B3GAT2: variants seen among roughly 807,000 people sequenced by gnomAD.
B3GAT2 encodes galactosylgalactosylxylosylprotein 3-beta-glucuronosyltransferase 2.
In B3GAT2, 26 loss-of-function variants were observed where a neutral mutation model predicts 27.8. The ratio of observed to expected loss-of-function variants is 0.93; its 90% CI spans 0.68 to 1.30. B3GAT2 has a LOEUF of 1.30. B3GAT2 is among the 50% of genes most tolerant of loss of function. The pLI, the probability that B3GAT2 is intolerant of heterozygous loss-of-function variation, is 0.00. For synonymous variants in B3GAT2, 218 were observed against 195.1 expected (o/e 1.12, Z -0.98); for missense variants, 458 against 459.0 (o/e 1.00, Z 0.02).
Position 70,858,314 on chromosome 6 carries a change from T to TTAAG in B3GAT2, c.*3345_*3348dup. 1 of 939,564 alleles carries TTAAG rather than the reference T, an allele frequency of 1.1e-6. No homozygotes were observed. The highest frequency in any genetic ancestry group is 1.7e-5 in the African/African-American group (1 of 57,528). The allele number at this position is 939,564 out of a possible 1,614,324, so 58.2% of individuals were successfully genotyped here. On this transcript the variant is annotated 3_prime_UTR_variant, in exon 4 of 4. Transcript: ENST00000230053. Reference sequence around the variant, plus strand: ...TTTTTTTTTTTTTTTTTTTTTTTTTTTAAGTCTAGTGATCTGGCAGAAAGA... The same window carrying TTAAG: ...TTTTTTTTTTTTTTTTTTTTTTTTTTTAAGTAAGTCTAGTGATCTGGCAGAAAGA...
chr6:70,955,836 T>C lies in B3GAT2; in HGVS notation c.591+3A>G. The stretch of plus-strand genomic sequence containing the variant: ...CCACCCAGCGGGGCAGGCTGGCCTT[T>C]ACCTCCTGGAAGAGCTCCAGACTAT... On this transcript the variant is annotated splice_donor_region_variant and intron_variant, in intron 1 of 3. Transcript: ENST00000230053. The C allele has an allele frequency of 1.9e-6, 3 of 1,590,366 alleles. No homozygotes were observed. Among genetic ancestry groups the C allele is most frequent in the Middle Eastern group, 1.7e-4 (1 of 6,008 alleles).
intron 1 of B3GAT2, among the ~76,000 whole-genome samples, chr6:70,945,806 T>G (rs931786151): frequency 1.6e-4 from 24 of 150,578 alleles, no homozygotes; most frequent in African/African-American, 5.6e-4. Flanking sequence ...GAAAAAATGG[T>G]AAGGGCAGCC....
At chr6:70,901,173 T>C (rs1194793715) in intron 1 of B3GAT2, among the ~76,000 whole-genome samples, 2 of 152,182 alleles carry the variant, frequency 1.3e-5, no homozygotes, top group Admixed American at 6.5e-5. Flanking sequence ...AAAATGAACA[T>C]AAAGTCTGCT....
intron 1 of B3GAT2, among the ~76,000 whole-genome samples, chr6:70,901,263 T>C (rs766374942): frequency 2.6e-5 from 4 of 152,198 alleles, no homozygotes; most frequent in Non-Finnish European, 5.9e-5. Flanking sequence ...ACATCGATAG[T>C]CATAAATCGT....
chr6:70,956,915 C>A lies in B3GAT2; in HGVS notation c.-486G>T. ...CGAGGGCGGGCGGCGGCGCTGGGGG[C>A]TTTCCTTCCTCACATTCCCGCCGGG... On this transcript the variant is annotated 5_prime_UTR_variant, in exon 1 of 4. Transcript: ENST00000230053. 1 of 1,018,374 alleles carries A rather than the reference C, an allele frequency of 9.8e-7. No homozygotes were observed. Among genetic ancestry groups the A allele is most frequent in the Non-Finnish European group, 1.2e-6 (1 of 851,828 alleles). The allele number at this position is 1,018,374 out of a possible 1,614,324, so 63.1% of individuals were successfully genotyped here.
At chr6:70,927,109 TAC>T (rs1416119481) in intron 1 of B3GAT2, among the ~76,000 whole-genome samples, 1 of 152,270 alleles carries the variant, frequency 6.6e-6, no homozygotes, top group Admixed American at 6.5e-5. Flanking sequence ...TAAAATCCTT[TAC>T]AGACAAGCAA....
Position 70,860,809 on chromosome 6 carries a change from G to A in B3GAT2, c.*854C>T, listed in dbSNP as rs998669755. 17 of 397,704 alleles carry A rather than the reference G, an allele frequency of 4.3e-5. No homozygotes were observed. Among genetic ancestry groups the A allele is most frequent in the Non-Finnish European group, 6.7e-5 (15 of 225,332 alleles). The allele number at this position is 397,704 out of a possible 1,614,324, so 24.6% of individuals were successfully genotyped here. On this transcript the variant is annotated 3_prime_UTR_variant, in exon 4 of 4. Transcript: ENST00000230053. ...GCACTGTTTTCTAGTGTATCAAAAT[G>A]CTCTTATTTCATCATTCACTTCACT...
At chr6:70,901,280 A>G (rs1772494375) in intron 1 of B3GAT2, among the ~76,000 whole-genome samples, 1 of 152,186 alleles carries the variant, frequency 6.6e-6, no homozygotes, top group South Asian at 2.1e-4. Flanking sequence ...TCGTGTTGAT[A>G]GTATGTACCC....
chr6:70,955,821 G>A lies in B3GAT2; in HGVS notation c.591+18C>T. The stretch of plus-strand genomic sequence containing the variant: ...CACTCCCGCCCTCGCCCACCCAGCG[G>A]GGCAGGCTGGCCTTTACCTCCTGGA... On this transcript the variant is annotated intron_variant, in intron 1 of 3. Transcript: ENST00000230053. 6.3e-7 allele frequency: 1 copy of A among 1,575,588 alleles called. No individual in the cohort carries two copies. Among genetic ancestry groups the A allele is most frequent in the Non-Finnish European group, 8.6e-7 (1 of 1,162,534 alleles).
chr6:70,940,699 G>A (rs2347630), intron 1 of B3GAT2, among the ~76,000 whole-genome samples: 35,359 of 151,962 alleles, frequency 0.23, 4,414 homozygotes, highest in Middle Eastern at 0.29. Flanking sequence ...AAACCGAGGT[G>A]GGTGCATCAC....
intron 1 of B3GAT2, among the ~76,000 whole-genome samples, chr6:70,954,841 T>C (rs1279711122): frequency 3.0e-5 from 4 of 134,278 alleles, no homozygotes; most frequent in African/African-American, 7.8e-5. Context: ...ATTTGCAGGC[T>C]ACACACACAC....
At position 70,956,071 on chromosome 6, in the gene B3GAT2, G is replaced by A. The variant is rs1458696838; in HGVS notation, c.359C>T (p.Ala120Val). The change falls in exon 1 of 4, where the codon GCG (alanine) becomes GTG (valine). Residue 120 changes from alanine (A) to valine (V), a missense_variant. Transcript: ENST00000230053. Reference sequence around the variant, plus strand: ...GCGGCTCACCAGCTCGCTGCGCGCCGCCGCGTCCTCCACCAGGATCCAGTG... The same window carrying A: ...GCGGCTCACCAGCTCGCTGCGCGCCACCGCGTCCTCCACCAGGATCCAGTG... Reference protein sequence around the residue: ...QLHWILVEDAAARSELVSRFL... With the variant: ...QLHWILVEDAVARSELVSRFL... The A allele has an allele frequency of 3.1e-6, 5 of 1,590,652 alleles. No homozygotes were observed. Among genetic ancestry groups the A allele is most frequent in the South Asian group, 1.1e-5 (1 of 88,842 alleles).
rs1398206683 is a variant in B3GAT2 at position 70,859,558 on chromosome 6, C to G, written c.*2105G>C. ...TCTAACTCTGAGTGTAAGTTTTAAACCCACTCACTATATGGTAAATCTTGC... is the reference window on the plus strand; with the variant it reads ...TCTAACTCTGAGTGTAAGTTTTAAAGCCACTCACTATATGGTAAATCTTGC... On this transcript the variant is annotated 3_prime_UTR_variant, in exon 4 of 4. Coordinates refer to ENST00000230053, the MANE Select transcript of B3GAT2 (RefSeq NM_080742.3). 11 of 537,922 alleles carry G rather than the reference C, an allele frequency of 2.0e-5. No homozygotes were observed. Among genetic ancestry groups the G allele is most frequent in the Admixed American group, 1.1e-4 (3 of 26,430 alleles). The allele number at this position is 537,922 out of a possible 1,614,324, so 33.3% of individuals were successfully genotyped here.
At chr6:70,890,743 C>A (rs901284757) in intron 2 of B3GAT2, among the ~76,000 whole-genome samples, 1 of 152,130 alleles carries the variant, frequency 6.6e-6, no homozygotes, top group African/African-American at 2.4e-5. Flanking sequence ...GGGGTCTGCA[C>A]CAACTCCAGG....
At chr6:70,890,519 T>C (rs1426793264) in intron 2 of B3GAT2, among the ~76,000 whole-genome samples, 1 of 152,218 alleles carries the variant, frequency 6.6e-6, no homozygotes. Flanking sequence ...TGACTTGTAT[T>C]CTTTATAACA....
chr6:70,898,157 G>A (rs1430341376), intron 1 of B3GAT2, among the ~76,000 whole-genome samples: 1 of 152,098 alleles, frequency 6.6e-6, no homozygotes, highest in Non-Finnish European at 1.5e-5. Context: ...AATTCCGATA[G>A]AGATTGCATT....
At chr6:70,943,684 C>G (rs1050814868) in intron 1 of B3GAT2, among the ~76,000 whole-genome samples, 2 of 152,120 alleles carry the variant, frequency 1.3e-5, no homozygotes, top group Admixed American at 6.6e-5. Flanking sequence ...AGTTTATATA[C>G]TAACTTGGCA....
intron 1 of B3GAT2, among the ~76,000 whole-genome samples, chr6:70,922,772 GAA>G (rs1772891709): frequency 6.6e-6 from 1 of 151,912 alleles, no homozygotes; most frequent in African/African-American, 2.4e-5. Flanking sequence ...ACTAAAAAAA[GAA>G]GAGAAAATTA....
intron 1 of B3GAT2, among the ~76,000 whole-genome samples, chr6:70,921,964 C>T (rs992412831): frequency 6.6e-6 from 1 of 152,154 alleles, no homozygotes; most frequent in Non-Finnish European, 1.5e-5. Context: ...AAAGCTGCTG[C>T]ACTCTGGGGG....
Sources: gnomAD v4.1 joint callset for allele counts (sites outside exome capture counted in the v4.1 genomes callset) on GRCh38, gnomAD v4.1.1 for gene constraint, MANE v1.5 for transcripts, NCBI Gene and HGNC (gene_info 2026-07-23, HGNC 2026-07-21) for gene names.